RANGAP1: variants seen among roughly 807,000 people sequenced by gnomAD.
RANGAP1 encodes ran GTPase-activating protein 1.
Under a neutral mutation model 63.5 loss-of-function variants are expected in RANGAP1, and 38 were observed. The ratio of observed to expected loss-of-function variants is 0.60; its 90% CI spans 0.46 to 0.78. The LOEUF (loss-of-function observed/expected upper bound fraction) is 0.78. Ranked by LOEUF, RANGAP1 falls within the 30% of genes least tolerant of loss-of-function variation. The probability of loss-of-function intolerance (pLI) is 0.00; values close to 1 mark genes in which losing one functional copy is unlikely to be tolerated. For synonymous variants in RANGAP1, 329 were observed against 310.5 expected (o/e 1.06, Z -0.63); for missense variants, 630 against 740.3 (o/e 0.85, Z 1.73).
chr22:41,272,519 C>G (rs1427138280), intron 3 of RANGAP1, among the ~76,000 whole-genome samples: 1 of 151,664 alleles, frequency 6.6e-6, no homozygotes, highest in Non-Finnish European at 1.5e-5. Flanking sequence ...CACATCTCTG[C>G]TATTTTTTTT....
the RANGAP1 span, among the ~76,000 whole-genome samples, chr22:41,298,995 G>A: frequency 6.6e-6 from 1 of 152,090 alleles, no homozygotes; most frequent in Non-Finnish European, 1.5e-5. Context: ...ATCCTCACCT[G>A]GCAGAGAGAG....
chr22:41,264,940 C>T (rs77109190), intron 4 of RANGAP1, 97 bp from the exon 5 acceptor site: 4 of 1,300,152 alleles, frequency 3.1e-6, no homozygotes, highest in African/African-American at 1.5e-5. Flanking sequence ...TCCAAGGACA[C>T]CCCGGCTGGT....
intron 3 of RANGAP1, among the ~76,000 whole-genome samples, chr22:41,273,011 C>T (rs2034927244): frequency 6.6e-6 from 1 of 152,094 alleles, no homozygotes; most frequent in Non-Finnish European, 1.5e-5. Context: ...CGGGGTTTCA[C>T]CATGTTGTCC....
chr22:41,274,727 G>A lies in RANGAP1; in HGVS notation c.113C>T (p.Ala38Val). Residue 38 changes from alanine to valine, a missense_variant and splice_region_variant, in exon 3 of 16, where the codon GCT becomes GTT. By Grantham distance (64) the Ala-to-Val change is moderately conservative (BLOSUM62 0). This residue lies in a region of RANGAP1 where 65 missense variants were observed against 60.5 expected (regional missense o/e 1.07). Coordinates refer to ENST00000356244, the MANE Select transcript of RANGAP1 (RefSeq NM_002883.4). ...KSLKLNTAED[A>V]KDVIKEIEDF... ...TTCAATCTCTTTAATCACATCTTTA[G>A]CTGCCAGGGACCAAAGAGCAGAACC... 6.2e-7 allele frequency: 1 copy of A among 1,613,964 alleles called. No individual in the cohort carries two copies. Among genetic ancestry groups the A allele is most frequent in the East Asian group, 2.2e-5 (1 of 44,868 alleles).
Position 41,261,521 on chromosome 22 carries a change from C to T in RANGAP1, c.540G>A (p.Leu180=), listed in dbSNP as rs765190486. ...HRKSSAQGKP[L]ALKVFVAGRN... is the part of the protein sequence containing the mutation. ...TGCCAGCCACAAAGACCTTCAGGGCCAGAGGCTTGCCTTGGGCACTGGATT... is the reference window on the plus strand; with the variant it reads ...TGCCAGCCACAAAGACCTTCAGGGCTAGAGGCTTGCCTTGGGCACTGGATT... The change falls in exon 6 of 16, where the codon CTG becomes CTA. Residue 180 remains leucine (L), a synonymous_variant. Coordinates refer to ENST00000356244, the MANE Select transcript of RANGAP1 (RefSeq NM_002883.4). 6.2e-7 allele frequency: 1 copy of T among 1,614,122 alleles called. No individual in the cohort carries two copies. The highest frequency in any genetic ancestry group is 8.5e-7 in the Non-Finnish European group (1 of 1,180,050).
Position 41,256,702 on chromosome 22 carries a change from G to C in RANGAP1, c.888+9C>G. ...CCAGAGGGAGGACGTCAGGCGTCCA[G>C]GCTGGCACCTTTAGCTTGGGCAGGC... is the stretch of plus-strand genomic sequence containing the variant. On this transcript the variant is annotated intron_variant, in intron 8 of 15. Coordinates refer to ENST00000356244, the MANE Select transcript of RANGAP1 (RefSeq NM_002883.4). 1 of 1,612,422 alleles carries C rather than the reference G, an allele frequency of 6.2e-7. No homozygotes were observed. The highest frequency in any genetic ancestry group is 2.2e-5 in the East Asian group (1 of 44,872).
In RANGAP1 at chr22:41,251,109, T is replaced by C. The variant is rs1317898253; in HGVS notation, c.1381A>G (p.Thr461Ala). 1 of 1,613,408 alleles carries C rather than the reference T, an allele frequency of 6.2e-7. No individual in the cohort carries two copies. Among genetic ancestry groups the C allele is most frequent in the Admixed American group, 1.7e-5 (1 of 59,892 alleles). ...ACCTTCTCGGGGTCAGACGTGTCAGTCTGAGGACAAAAGAGACAATGGTTG... is the reference window on the plus strand; with the variant it reads ...ACCTTCTCGGGGTCAGACGTGTCAGCCTGAGGACAAAAGAGACAATGGTTG... ...PKSSVLIAQQTDTSDPEKVVS... is the reference protein window; with the variant it reads ...PKSSVLIAQQADTSDPEKVVS... The change falls in exon 13 of 16, where the codon ACT (threonine) becomes GCT (alanine). Residue 461 changes from threonine to alanine, a missense_variant and splice_region_variant. Around this residue, in one of 3 missense-constraint regions of RANGAP1, gnomAD observed 428 missense variants for 465.5 expected, o/e 0.92. Transcript: ENST00000356244.
intron 3 of RANGAP1, 98 bp downstream of exon 3, chr22:41,274,501 GC>G: frequency 6.5e-7 from 1 of 1,532,058 alleles, no homozygotes; most frequent in Non-Finnish European, 8.8e-7. Flanking sequence ...AGCCACACAG[GC>G]AGGGGCCTGG....
chr22:41,264,602 CAT>C (rs1487962652), intron 5 of RANGAP1, 60 bp downstream of exon 5: 36 of 1,542,182 alleles, frequency 2.3e-5, no homozygotes, highest in Non-Finnish European at 3.1e-5. Context: ...GGCCAGGGCA[CAT>C]ATGTCAGACG....
chr22:41,291,521 C>G, the RANGAP1 span, among the ~76,000 whole-genome samples: 12 of 149,100 alleles, frequency 8.0e-5, no homozygotes, highest in Non-Finnish European at 1.5e-4. Flanking sequence ...TCACTTGAAC[C>G]TAGGAGGTGG....
intron 5 of RANGAP1, among the ~76,000 whole-genome samples, chr22:41,264,085 A>T (rs544792741): frequency 6.6e-6 from 1 of 152,184 alleles, no homozygotes; most frequent in African/African-American, 2.4e-5. Context: ...CCTGGCACTC[A>T]GTGTCCTCCA....
Position 41,281,073 on chromosome 22 carries a change from G to A in RANGAP1, c.-29C>T. 6.4e-7 allele frequency: 1 copy of A among 1,560,114 alleles called. No individual in the cohort carries two copies. Among genetic ancestry groups the A allele is most frequent in the Non-Finnish European group, 8.6e-7 (1 of 1,158,830 alleles). Reference sequence around the variant, plus strand: ...GACTAGGCTGGTGGGCTCCCCTGGAGATCTGCAGACTGAGGAGGCCAAAGT... The same window carrying A: ...GACTAGGCTGGTGGGCTCCCCTGGAAATCTGCAGACTGAGGAGGCCAAAGT... On this transcript the variant is annotated 5_prime_UTR_variant, in exon 2 of 16. Coordinates refer to ENST00000356244, the MANE Select transcript of RANGAP1 (RefSeq NM_002883.4).
At chr22:41,248,915 C>T (rs888242705) in intron 15 of RANGAP1, among the ~76,000 whole-genome samples, 7 of 152,334 alleles carry the variant, frequency 4.6e-5, no homozygotes, top group South Asian at 2.1e-4. Flanking sequence ...CTTTGGCCTG[C>T]GCTGCTGTGA....
At chr22:41,270,827 G>T (rs1476915374) in intron 3 of RANGAP1, among the ~76,000 whole-genome samples, 2 of 152,198 alleles carry the variant, frequency 1.3e-5, no homozygotes, top group Non-Finnish European at 2.9e-5. Flanking sequence ...CCACCTGCAC[G>T]TGGGTCCACA....
chr22:41,299,180 T>G, the RANGAP1 span, among the ~76,000 whole-genome samples: 1 of 152,104 alleles, frequency 6.6e-6, no homozygotes, highest in African/African-American at 2.4e-5. Flanking sequence ...TCGCCCAGGC[T>G]GGAATGCAGT....
chr22:41,265,316 G>A (rs1043747629), intron 4 of RANGAP1, among the ~76,000 whole-genome samples: 4 of 152,214 alleles, frequency 2.6e-5, no homozygotes, highest in African/African-American at 9.6e-5. Flanking sequence ...CTCAGCCTGA[G>A]AGCAGTGGGC....
At chr22:41,260,618 C>A (rs1203134038) in intron 6 of RANGAP1, among the ~76,000 whole-genome samples, 1 of 152,164 alleles carries the variant, frequency 6.6e-6, no homozygotes, top group Non-Finnish European at 1.5e-5. Context: ...GAGGCCCAGG[C>A]GGGCAGATCA....
At chr22:41,268,874 G>T (rs73414805) in intron 3 of RANGAP1, among the ~76,000 whole-genome samples, 6,901 of 152,046 alleles carry the variant, frequency 0.045, 519 homozygotes, top group African/African-American at 0.16. Flanking sequence ...GGCCAACATG[G>T]TAAAACCCCT....
At chr22:41,293,233 CAAAA>C in the RANGAP1 span, among the ~76,000 whole-genome samples, 5 of 94,876 alleles carry the variant, frequency 5.3e-5, no homozygotes, top group Admixed American at 1.2e-4. Flanking sequence ...AGACTCCTCT[CAAAA>C]AAAAAAAAAA....
Sources: gnomAD v4.1 joint callset for allele counts (sites outside exome capture counted in the v4.1 genomes callset) on GRCh38, gnomAD v4.1.1 for gene constraint, gnomAD v4.1.1 regional missense constraint, MANE v1.5 for transcripts, NCBI Gene and HGNC (gene_info 2026-07-23, HGNC 2026-07-21) for gene names.